MIGA1: variants seen among roughly 807,000 people sequenced by gnomAD.
MIGA1 encodes family with sequence similarity 73, member A.
In MIGA1, 58 loss-of-function variants were observed where a neutral mutation model predicts 82.0. That is an observed-to-expected ratio of 0.71 (90% confidence interval 0.57 to 0.88). The LOEUF (loss-of-function observed/expected upper bound fraction) is 0.88. MIGA1 is among the 40% of genes least tolerant of loss of function. The probability of loss-of-function intolerance (pLI) is 0.00; values close to 1 mark genes in which losing one functional copy is unlikely to be tolerated. For missense variants in MIGA1, 751 were observed against 749.1 expected, an observed-to-expected ratio of 1.00 and a Z score of -0.03; for synonymous variants, 249 against 253.6, an observed-to-expected ratio of 0.98 and a Z score of 0.17.
chr1:77,848,881 G>C, intron 8 of MIGA1: 1 of 763,162 alleles, frequency 1.3e-6, no homozygotes, highest in South Asian at 3.2e-5. Context: ...CCATAAAGGA[G>C]TGTGTTACCA....
chr1:77,794,465 G>A (rs57455483), intron 2 of MIGA1, among the ~76,000 whole-genome samples: 1 of 152,170 alleles, frequency 6.6e-6, no homozygotes, highest in Non-Finnish European at 1.5e-5. Flanking sequence ...ATGTCCCTCA[G>A]TTGAGTGTGT....
chr1:77,847,214 A>G (rs1684876622), intron 8 of MIGA1: 5 of 1,190,378 alleles, frequency 4.2e-6, no homozygotes, highest in Admixed American at 3.4e-5. Flanking sequence ...TCTGATGATG[A>G]TGATGAGACC....
At position 77,871,111 on chromosome 1, in the gene MIGA1, G is replaced by A. The variant is rs1423621025; in HGVS notation, c.1564-1893G>A. ...GTGGGAAGGGGGAGAGGGAGAGGGA[G>A]AGGGAGAGGGAGAGGAGGGAGAGGG... On this transcript the variant is annotated intron_variant, in intron 14 of 15. Coordinates refer to ENST00000370791, the MANE Select transcript of MIGA1 (RefSeq NM_198549.4). Among the ~76,000 whole-genome samples the A allele has an allele frequency of 1.2e-4, 3 of 24,462 alleles. No individual in the cohort carries two copies. In the East Asian group the frequency reaches 4.7e-3, roughly 38 times the overall value. 16.0% of individuals were successfully genotyped at this position (24,462 alleles called of 152,430 possible).
chr1:77,816,801 G>A (rs190910387), intron 7 of MIGA1, among the ~76,000 whole-genome samples: 21 of 152,238 alleles, frequency 1.4e-4, no homozygotes, highest in African/African-American at 4.6e-4. Context: ...AACGTCATTT[G>A]TGATACTAAG....
intron 8 of MIGA1, chr1:77,853,558 G>T (rs1016301615): frequency 8.5e-5 from 14 of 163,944 alleles, no homozygotes; most frequent in Non-Finnish European, 5.3e-5. Flanking sequence ...ATGAACGCTC[G>T]TCTCTATGAA....
chr1:77,847,176 G>T (rs1229670007), intron 8 of MIGA1: 2 of 1,293,462 alleles, frequency 1.5e-6, no homozygotes, highest in Non-Finnish European at 2.2e-6. Flanking sequence ...ATCCTGTTTT[G>T]CAAAAACCGT....
At chr1:77,855,835 C>T (rs962068371) in intron 8 of MIGA1, among the ~76,000 whole-genome samples, 2 of 151,996 alleles carry the variant, frequency 1.3e-5, no homozygotes, top group African/African-American at 4.8e-5. Context: ...ATATTGACAG[C>T]AAACAGTGAC....
At chr1:77,808,006 G>A (rs918140179) in intron 5 of MIGA1, among the ~76,000 whole-genome samples, 1 of 152,036 alleles carries the variant, frequency 6.6e-6, no homozygotes, top group Non-Finnish European at 1.5e-5. Flanking sequence ...TTTTAGTAGA[G>A]ATGGGGTTTC....
At chr1:77,791,184 A>G (rs1037487196) in intron 2 of MIGA1, among the ~76,000 whole-genome samples, 6 of 148,434 alleles carry the variant, frequency 4.0e-5, no homozygotes, top group Admixed American at 2.0e-4. Context: ...TCAAGGATGT[A>G]TTAAGCTCTG....
intron 7 of MIGA1, among the ~76,000 whole-genome samples, chr1:77,819,931 G>C (rs1683736076): frequency 6.6e-6 from 1 of 151,992 alleles, no homozygotes; most frequent in Non-Finnish European, 1.5e-5. Flanking sequence ...ACCACTTATA[G>C]GACAGACGTC....
chr1:77,829,198 T>A lies in MIGA1; in HGVS notation c.895+13967T>A, dbSNP rs187374942. On this transcript the variant is annotated intron_variant, in intron 7 of 15. Coordinates refer to ENST00000370791, the MANE Select transcript of MIGA1 (RefSeq NM_198549.4). The stretch of plus-strand genomic sequence containing the variant: ...ACTTTGGGAGGCCAAGGTGGGAGGA[T>A]TGCTTGAGGCCAAGAGTTTGAGACC... 1.6e-3 allele frequency among the ~76,000 whole-genome samples: 249 copies of A among 152,252 alleles called. 5 individuals carry two copies. The East Asian group carries it at 0.036, about 22-fold the overall frequency.
rs930960597 is a variant in MIGA1 at position 77,877,848 on chromosome 1, T to G, written c.*2784T>G. 1.3e-5 allele frequency: 2 copies of G among 152,606 alleles called. No homozygotes were observed. The highest frequency in any genetic ancestry group is 2.9e-5 in the Non-Finnish European group (2 of 68,032). The allele number at this position is 152,606 out of a possible 1,614,324, so 9.5% of individuals were successfully genotyped here. A position where few individuals can be genotyped will look rare whatever the true frequency, so the allele number is the denominator to read the frequency against. ...TTCTTTTTCTTTTTTACATTTCATC[T>G]TAGAAAAAGTTGCTTATATTCAGCA... On this transcript the variant is annotated 3_prime_UTR_variant, in exon 16 of 16. Coordinates refer to ENST00000370791, the MANE Select transcript of MIGA1 (RefSeq NM_198549.4).
intron 2 of MIGA1, among the ~76,000 whole-genome samples, chr1:77,799,633 C>A (rs1682792704): frequency 6.6e-6 from 1 of 151,714 alleles, no homozygotes; most frequent in South Asian, 2.1e-4. Context: ...TATTCAATTT[C>A]TTTAATAGAT....
intron 7 of MIGA1, among the ~76,000 whole-genome samples, chr1:77,815,798 C>G (rs943197347): frequency 6.6e-6 from 1 of 152,136 alleles, no homozygotes; most frequent in African/African-American, 2.4e-5. Context: ...GACACGATCA[C>G]AGCTCACTGC....
At chr1:77,861,344 T>A in intron 12 of MIGA1, 22 bp downstream of exon 12, 1 of 1,452,956 alleles carries the variant, frequency 6.9e-7, no homozygotes, top group Non-Finnish European at 9.6e-7. Context: ...TTTTTTGTGA[T>A]ATTTATTTTT....
At chr1:77,809,466 G>A (rs559125210) in intron 5 of MIGA1, among the ~76,000 whole-genome samples, 1 of 152,218 alleles carries the variant, frequency 6.6e-6, no homozygotes, top group South Asian at 2.1e-4. Flanking sequence ...CAAGTGTGGT[G>A]GCACATGCTT....
intron 7 of MIGA1, among the ~76,000 whole-genome samples, chr1:77,831,645 C>T (rs967088751): frequency 1.3e-5 from 2 of 152,172 alleles, no homozygotes; most frequent in African/African-American, 4.8e-5. Flanking sequence ...CTTTAGGAGA[C>T]TTCTGTTACT....
At position 77,780,692 on chromosome 1, in the gene MIGA1, G is replaced by A. The variant is rs528058653; in HGVS notation, c.81+956G>A. Among the ~76,000 whole-genome samples, 4 of 152,064 alleles carry A rather than the reference G, an allele frequency of 2.6e-5. No individual in the cohort carries two copies. In the South Asian group the frequency reaches 8.3e-4, roughly 32 times the overall value. ...TTTTTGGTTATGTTTTATAGATTCC[G>A]TCTATAAATTTGAATAATCATGAAA... On this transcript the variant is annotated intron_variant, in intron 1 of 15. Transcript: ENST00000370791.
At chr1:77,799,640 A>G (rs1206672339) in intron 2 of MIGA1, among the ~76,000 whole-genome samples, 5 of 151,984 alleles carry the variant, frequency 3.3e-5, no homozygotes, top group African/African-American at 1.2e-4. Flanking sequence ...TTTCTTTAAT[A>G]GATATTTAAC....
Sources: allele counts gnomAD v4.1 joint callset (sites outside exome capture counted in the v4.1 genomes callset), GRCh38; gene constraint gnomAD v4.1.1; transcripts MANE v1.5; gene names NCBI Gene and HGNC (gene_info 2026-07-23, HGNC 2026-07-21).